Variants in LPP observed in about 807,000 individuals in gnomAD.
LPP encodes the protein LIM domain containing preferred translocation partner in lipoma, also known as lipoma-preferred partner.
Under a neutral mutation model 60.4 loss-of-function variants are expected in LPP, and 38 were observed. The ratio of observed to expected loss-of-function variants is 0.63; its 90% confidence interval spans 0.49 to 0.83. The LOEUF (loss-of-function observed/expected upper bound fraction) is 0.83. LPP is among the 40% of genes least tolerant of loss of function. The pLI, the probability that LPP is intolerant of heterozygous loss-of-function variation, is 0.00. For synonymous variants in LPP, 328 were observed against 290.8 expected (o/e 1.13, Z -1.30); for missense variants, 902 against 783.6 (o/e 1.15, Z -1.80).
chr3:188,874,737 A>G lies in LPP; in HGVS notation c.*258A>G. 5.6e-6 allele frequency: 2 copies of G among 356,666 alleles called. No homozygotes were observed. The highest frequency in any genetic ancestry group is 1.0e-5 in the Non-Finnish European group (2 of 194,076). 22.1% of individuals were successfully genotyped at this position (356,666 alleles called of 1,614,324 possible). On this transcript the variant is annotated 3_prime_UTR_variant, in exon 12 of 12. Transcript: ENST00000617246. ...TTTTGCACAGATTATGCTCCATCCC[A>G]TTCACTTCTGCATTCCTGTAACTTT... is the stretch of plus-strand genomic sequence containing the variant.
intron 6 of LPP, among the ~76,000 whole-genome samples, chr3:188,571,707 C>T (rs781456260): frequency 1.3e-5 from 2 of 152,108 alleles, no homozygotes; most frequent in Non-Finnish European, 2.9e-5. Flanking sequence ...AGATGTCAGA[C>T]TGCCTTAGAT....
At position 188,887,095 on chromosome 3, in the gene LPP, A is replaced by C. The variant is rs1770771972; in HGVS notation, c.*12616A>C. The C allele has an allele frequency of 4.4e-6, 1 of 229,696 alleles. No individual in the cohort carries two copies. Among genetic ancestry groups the C allele is most frequent in the East Asian group, 6.2e-5 (1 of 16,122 alleles). 14.2% of individuals were successfully genotyped at this position (229,696 alleles called of 1,614,324 possible). ...ATGGTGCCTGCTGTGCTTTATCCCGAGGCATAGCAGTAATCGTTACTATCT... is the reference window on the plus strand; with the variant it reads ...ATGGTGCCTGCTGTGCTTTATCCCGCGGCATAGCAGTAATCGTTACTATCT... On this transcript the variant is annotated 3_prime_UTR_variant, in exon 12 of 12. Transcript: ENST00000617246.
Position 188,488,472 on chromosome 3 carries a change from G to T in LPP, c.306+3768G>T, listed in dbSNP as rs141038944. ...CTGTGATGTTTGTAGTGACACTTCA[G>T]CAATCACTTTATTAATTCATTTGTT... On this transcript the variant is annotated intron_variant, in intron 5 of 11. Coordinates refer to ENST00000617246, the MANE Select transcript of LPP (RefSeq NM_001375462.1). Among the ~76,000 whole-genome samples the T allele has an allele frequency of 2.2e-3, 336 of 152,160 alleles. 1 individual carries two copies. Among genetic ancestry groups the T allele is most frequent in the Non-Finnish European group, 3.7e-3 (250 of 68,000 alleles).
At chr3:188,733,386 A>G (rs541503825) in intron 8 of LPP, among the ~76,000 whole-genome samples, 4 of 152,258 alleles carry the variant, frequency 2.6e-5, no homozygotes, top group South Asian at 4.1e-4. Context: ...TGTAGAAAAC[A>G]GAAGAATTCT....
At chr3:188,686,666 C>G (rs577357191) in intron 7 of LPP, among the ~76,000 whole-genome samples, 2 of 152,230 alleles carry the variant, frequency 1.3e-5, no homozygotes, top group South Asian at 4.2e-4. Context: ...TTTAAGCTTC[C>G]CAAGTGATTC....
intron 8 of LPP, among the ~76,000 whole-genome samples, chr3:188,723,232 A>C (rs1407847559): frequency 2.0e-5 from 3 of 152,228 alleles, no homozygotes; most frequent in African/African-American, 7.2e-5. Flanking sequence ...CAACCACCAC[A>C]CAGCTTTACT....
In LPP at chr3:188,874,474, C is replaced by T; in HGVS notation, c.1834C>T (p.Leu612Phe). ...GTTGACCGCCAAGGCGAGCACTGAC[C>T]TTTAGATTCAGTCACCTGTTCAGCC... is the stretch of plus-strand genomic sequence containing the variant. ...RVLTAKASTD[L>F] The change falls in exon 12 of 12, where the codon CTT becomes TTT. Residue 612 changes from leucine to phenylalanine, a missense_variant. By Grantham distance (22) the Leu-to-Phe change is conservative. Transcript: ENST00000617246. The T allele has an allele frequency of 6.2e-7, 1 of 1,613,918 alleles. No homozygotes were observed. The highest frequency in any genetic ancestry group is 8.5e-7 in the Non-Finnish European group (1 of 1,179,824).
At chr3:188,634,163 T>G (rs970925561) in intron 7 of LPP, among the ~76,000 whole-genome samples, 6 of 152,250 alleles carry the variant, frequency 3.9e-5, no homozygotes, top group Non-Finnish European at 7.3e-5. Flanking sequence ...TTCTTTTCGT[T>G]TCTTTTCTCA....
At chr3:188,679,494 T>A (rs1858920893) in intron 7 of LPP, among the ~76,000 whole-genome samples, 1 of 151,662 alleles carries the variant, frequency 6.6e-6, no homozygotes, top group Admixed American at 6.6e-5. Context: ...TCGTCCTGTC[T>A]TAGTTTGCCA....
At chr3:188,264,259 G>GTA (rs758127805) in intron 2 of LPP, among the ~76,000 whole-genome samples, 1 of 151,114 alleles carries the variant, frequency 6.6e-6, no homozygotes, top group African/African-American at 2.4e-5. Flanking sequence ...CATTAGTTTT[G>GTA]TGTGTGTGTG....
intron 1 of LPP, among the ~76,000 whole-genome samples, chr3:188,165,681 G>C (rs2148744327): frequency 6.6e-6 from 1 of 152,334 alleles, no homozygotes; most frequent in South Asian, 2.1e-4. Flanking sequence ...AAGGGTGCTA[G>C]AGACAGCAGG....
intron 6 of LPP, among the ~76,000 whole-genome samples, chr3:188,566,455 AG>A (rs1832194151): frequency 6.6e-6 from 1 of 151,894 alleles, no homozygotes; most frequent in Non-Finnish European, 1.5e-5. Flanking sequence ...CAAATAACTC[AG>A]ATTTAAAAAT....
intron 7 of LPP, among the ~76,000 whole-genome samples, chr3:188,702,489 A>G (rs1217406598): frequency 6.6e-6 from 1 of 151,916 alleles, no homozygotes; most frequent in Non-Finnish European, 1.5e-5. Flanking sequence ...GCCTATTTTC[A>G]TGTCTCTTTC....
In LPP at chr3:188,609,879, G is replaced by T; in HGVS notation, c.1113+35G>T. 1.3e-6 allele frequency: 2 copies of T among 1,563,518 alleles called. No homozygotes were observed. The highest frequency in any genetic ancestry group is 1.7e-6 in the Non-Finnish European group (2 of 1,156,508). ...TCAGTAACATAAGGAGGAGAATACA[G>T]GGGTGCCTATCTTAGTCTGCCTTCC... On this transcript the variant is annotated intron_variant, in intron 7 of 11. Coordinates refer to ENST00000617246, the MANE Select transcript of LPP (RefSeq NM_001375462.1). The surrounding 1 kb of genome is among the most constrained non-coding windows in gnomAD (Gnocchi z 6.9).
intron 6 of LPP, among the ~76,000 whole-genome samples, chr3:188,557,215 CA>C (rs895412048): frequency 6.7e-6 from 1 of 149,878 alleles, no homozygotes; most frequent in Non-Finnish European, 1.5e-5. Flanking sequence ...TCATGCGTTA[CA>C]AAAAAAAAGA....
intron 1 of LPP, among the ~76,000 whole-genome samples, chr3:188,175,881 C>G (rs1485999475): frequency 1.3e-5 from 2 of 151,738 alleles, no homozygotes; most frequent in East Asian, 3.9e-4. Flanking sequence ...ATGCATACCA[C>G]TGAGGTGGTA....
At chr3:188,676,480 G>A (rs373513073) in intron 7 of LPP, among the ~76,000 whole-genome samples, 7 of 125,704 alleles carry the variant, frequency 5.6e-5, no homozygotes, top group African/African-American at 1.7e-4. Flanking sequence ...CTAACCCTGT[G>A]CAAAAATTAT....
intron 9 of LPP, among the ~76,000 whole-genome samples, chr3:188,783,475 G>T (rs998076070): frequency 2.0e-5 from 3 of 152,156 alleles, no homozygotes; most frequent in African/African-American, 7.2e-5. Flanking sequence ...AATGCTGCTT[G>T]TTCTCATTTA....
intron 8 of LPP, among the ~76,000 whole-genome samples, chr3:188,717,893 C>G (rs545955182): frequency 3.3e-4 from 50 of 152,170 alleles, no homozygotes; most frequent in Admixed American, 9.8e-4. Context: ...TCTCGGTGCA[C>G]CACAAACTCC....
Sources: gnomAD v4.1 joint callset for allele counts (sites outside exome capture counted in the v4.1 genomes callset) on GRCh38, gnomAD v4.1.1 for gene constraint, Gnocchi (gnomAD v3.1) non-coding constraint, MANE v1.5 for transcripts, NCBI Gene and HGNC (gene_info 2026-07-23, HGNC 2026-07-21) for gene names.